Variants in GATA4 observed in about 807,000 individuals in gnomAD.
GATA4 encodes the protein GATA binding protein 4.
In GATA4, 7 loss-of-function variants were observed where a neutral mutation model predicts 37.9. That is an observed-to-expected ratio of 0.18 (90% CI 0.11 to 0.35). The LOEUF (loss-of-function observed/expected upper bound fraction) is 0.35, where lower values mean the gene tolerates loss of function less well. GATA4 is among the 10% of genes least tolerant of loss of function. The pLI, the probability that GATA4 is intolerant of heterozygous loss-of-function variation, is 1.00. For synonymous variants in GATA4, 372 were observed against 292.6 expected, an observed-to-expected ratio of 1.27 and a Z score of -2.77; for missense variants, 647 against 653.0, an observed-to-expected ratio of 0.99 and a Z score of 0.10.
At chr8:11,721,193 G>T (rs1206958885) in intron 2 of GATA4, among the ~76,000 whole-genome samples, 1 of 151,278 alleles carries the variant, frequency 6.6e-6, no homozygotes, top group Non-Finnish European at 1.5e-5. Flanking sequence ...AACTGGCCTG[G>T]GCGCCTGAAG....
At chr8:11,715,784 T>C (rs1201764970) in intron 2 of GATA4, among the ~76,000 whole-genome samples, 3 of 152,252 alleles carry the variant, frequency 2.0e-5, no homozygotes, top group Non-Finnish European at 4.4e-5. Context: ...CTTTTAAGTA[T>C]ACAGTTCAGT....
chr8:11,758,931 C>T lies in GATA4; in HGVS notation c.*456C>T. ...GGCCCCTGGGGACAGGCCCTTGCCC[C>T]ATCCATCCGCTTGAGGCATGGCACC... On this transcript the variant is annotated 3_prime_UTR_variant, in exon 7 of 7. Transcript: ENST00000532059. 1 of 274,732 alleles carries T rather than the reference C, an allele frequency of 3.6e-6. No individual in the cohort carries two copies. Among genetic ancestry groups the T allele is most frequent in the Non-Finnish European group, 7.1e-6 (1 of 139,926 alleles). The allele number at this position is 274,732 out of a possible 1,614,324, so 17.0% of individuals were successfully genotyped here. A position where few individuals can be genotyped will look rare whatever the true frequency, so the allele number is the denominator to read the frequency against.
upstream of GATA4, among the ~76,000 whole-genome samples, chr8:11,691,622 T>A (rs1013857290): frequency 6.6e-6 from 1 of 152,228 alleles, no homozygotes; most frequent in Admixed American, 6.5e-5. Flanking sequence ...CTTAGAAAGT[T>A]AAGTGACTCG....
chr8:11,699,014 G>A (rs79231296), intron 1 of GATA4, among the ~76,000 whole-genome samples: 5,039 of 152,262 alleles, frequency 0.033, 113 homozygotes, highest in Middle Eastern at 0.096. Context: ...CTCCATCTCC[G>A]AGCAACTTTG....
chr8:11,743,403 C>T (rs1314642512), intron 2 of GATA4, among the ~76,000 whole-genome samples: 3 of 152,358 alleles, frequency 2.0e-5, no homozygotes, highest in African/African-American at 7.2e-5. Flanking sequence ...GAGGGTCTTC[C>T]AACACAGGCT....
At position 11,759,361 on chromosome 8, in the gene GATA4, G is replaced by C. The variant is rs146304341; in HGVS notation, c.*886G>C. 1 of 152,942 alleles carries C rather than the reference G, an allele frequency of 6.5e-6. No individual in the cohort carries two copies. Among genetic ancestry groups the C allele is most frequent in the African/African-American group, 2.4e-5 (1 of 41,464 alleles). The allele number at this position is 152,942 out of a possible 1,614,324, so 9.5% of individuals were successfully genotyped here. On this transcript the variant is annotated 3_prime_UTR_variant, in exon 7 of 7. Transcript: ENST00000532059. ...CTCAAGCCAGTCTGGCAAGCACTCA[G>C]CCCAGCCTCGAGGTCCTTCTGGGGA...
chr8:11,741,089 C>G (rs1046266385), intron 2 of GATA4, among the ~76,000 whole-genome samples: 6 of 152,132 alleles, frequency 3.9e-5, no homozygotes, highest in African/African-American at 1.4e-4. Flanking sequence ...GGGAAGGGGC[C>G]ATGGTGACCA....
chr8:11,691,837 C>T (rs952971984), upstream of GATA4, among the ~76,000 whole-genome samples: 4 of 152,186 alleles, frequency 2.6e-5, no homozygotes, highest in African/African-American at 9.7e-5. Context: ...CTACCTGTTT[C>T]CCAGTACTTA....
chr8:11,710,527 A>C (rs1017104060), intron 2 of GATA4, among the ~76,000 whole-genome samples: 7 of 128,374 alleles, frequency 5.5e-5, no homozygotes, highest in African/African-American at 2.0e-4. Flanking sequence ...TAAAATACAA[A>C]AAAAAAAAAA....
chr8:11,708,881 A>G lies in GATA4; in HGVS notation c.569A>G (p.His190Arg). 2.0e-6 allele frequency: 3 copies of G among 1,528,250 alleles called. No individual in the cohort carries two copies. Among genetic ancestry groups the G allele is most frequent in the Non-Finnish European group, 2.6e-6 (3 of 1,144,034 alleles). The allele number at this position is 1,528,250 out of a possible 1,614,324, so 94.7% of individuals were successfully genotyped here. ...SAGPFDSPVL[H>R]SLPGRANPAA... Reference sequence around the variant, plus strand: ...GGCCCCTTCGACAGCCCGGTCCTGCACAGCCTGCCCGGCCGGGCCAACCCG... The same window carrying G: ...GGCCCCTTCGACAGCCCGGTCCTGCGCAGCCTGCCCGGCCGGGCCAACCCG... Residue 190 changes from histidine to arginine, a missense_variant, in exon 2 of 7, where the codon CAC becomes CGC. By Grantham distance (29) the His-to-Arg change is conservative. This residue lies in a region of GATA4 where 379 missense variants were observed against 334.5 expected (regional missense o/e 1.13). Transcript: ENST00000532059. This position sits in a 1 kb window ranked among gnomAD's most constrained non-coding sequence, Gnocchi z 6.7.
upstream of GATA4, among the ~76,000 whole-genome samples, chr8:11,690,012 C>T (rs1442055770): frequency 2.0e-5 from 3 of 152,254 alleles, no homozygotes; most frequent in East Asian, 5.8e-4. Flanking sequence ...CTACTTGCCT[C>T]TTCTGCAAAA....
Position 11,743,464 on chromosome 8 carries a change from T to A in GATA4, c.617-5452T>A, listed in dbSNP as rs187214839. Among the ~76,000 whole-genome samples, 463 of 152,338 alleles carry A rather than the reference T, an allele frequency of 3.0e-3. 3 individuals carry two copies. The highest frequency in any genetic ancestry group is 6.0e-4 in the Non-Finnish European group (41 of 68,026). On this transcript the variant is annotated intron_variant, in intron 2 of 6. Transcript: ENST00000532059. Reference sequence around the variant, plus strand: ...CAGGTGGAAGTCTGAGGGGAGCATCTGCAGGAGAGCAGACCAGGCTCTGTG... The same window carrying A: ...CAGGTGGAAGTCTGAGGGGAGCATCAGCAGGAGAGCAGACCAGGCTCTGTG...
At chr8:11,757,575 A>T (rs1362784917) in intron 6 of GATA4, among the ~76,000 whole-genome samples, 2 of 152,178 alleles carry the variant, frequency 1.3e-5, no homozygotes, top group Non-Finnish European at 2.9e-5. Context: ...AGGGTGGGGA[A>T]GGAGGAGGAA....
intron 2 of GATA4, among the ~76,000 whole-genome samples, chr8:11,746,307 C>T (rs998977127): frequency 6.6e-6 from 1 of 152,018 alleles, no homozygotes; most frequent in Non-Finnish European, 1.5e-5. Context: ...GAGTTGGTGG[C>T]TGCAGTGAGC....
chr8:11,707,154 A>G lies in GATA4; in HGVS notation c.-457-702A>G, dbSNP rs1284950042. On this transcript the variant is annotated intron_variant, in intron 1 of 6. Transcript: ENST00000532059. The surrounding 1 kb of genome is among the most constrained non-coding windows in gnomAD (Gnocchi z 4.7). ...TTCTTCTCACTTTTCTGGTTCTGAT[A>G]TACAATTTGCAAAACGTCTAAATTG... Among the ~76,000 whole-genome samples, 3 of 152,184 alleles carry G rather than the reference A, an allele frequency of 2.0e-5. No individual in the cohort carries two copies. The highest frequency in any genetic ancestry group is 7.2e-5 in the African/African-American group (3 of 41,434).
chr8:11,751,975 G>T (rs537698234), intron 4 of GATA4, among the ~76,000 whole-genome samples: 18 of 152,242 alleles, frequency 1.2e-4, no homozygotes, highest in Non-Finnish European at 2.6e-4. Context: ...AGTACATGAT[G>T]ACCTTTGAAC....
chr8:11,716,095 G>A (rs546368506), intron 2 of GATA4, among the ~76,000 whole-genome samples: 2 of 152,044 alleles, frequency 1.3e-5, no homozygotes, highest in African/African-American at 2.4e-5. Flanking sequence ...TGTAGACCAC[G>A]TTTTGTTTAT....
chr8:11,728,787 T>A (rs1257405048), intron 2 of GATA4, among the ~76,000 whole-genome samples: 3 of 152,222 alleles, frequency 2.0e-5, no homozygotes, highest in Non-Finnish European at 4.4e-5. Flanking sequence ...TTTATATTAG[T>A]GAGAATTTGC....
At chr8:11,695,302 A>G (rs1799471475) in intron 1 of GATA4, among the ~76,000 whole-genome samples, 1 of 152,120 alleles carries the variant, frequency 6.6e-6, no homozygotes, top group Non-Finnish European at 1.5e-5. Context: ...GCAACTTGGG[A>G]GGCTGAGGCA....
Sources: gnomAD v4.1 joint callset for allele counts (sites outside exome capture counted in the v4.1 genomes callset) on GRCh38, gnomAD v4.1.1 for gene constraint, gnomAD v4.1.1 regional missense constraint, Gnocchi (gnomAD v3.1) non-coding constraint, MANE v1.5 for transcripts, NCBI Gene and HGNC (gene_info 2026-07-23, HGNC 2026-07-21) for gene names.